ETS1: variants seen among roughly 807,000 people sequenced by gnomAD.
ETS1 encodes protein C-ets-1.
A neutral mutation model predicts 58.6 loss-of-function variants in ETS1; 15 were observed. The observed-to-expected ratio is 0.26, with a 90% CI of 0.17 to 0.39. The LOEUF (loss-of-function observed/expected upper bound fraction) is 0.39. ETS1 is among the 10% of genes least tolerant of loss of function. The pLI is 1.00. For synonymous variants in ETS1, 214 were observed against 218.2 expected, an observed-to-expected ratio of 0.98 and a Z score of 0.17; for missense variants, 417 against 610.5, an observed-to-expected ratio of 0.68 and a Z score of 3.34.
chr11:128,521,842 G>C (rs1049546335), intron 3 of ETS1: 1 of 1,248,100 alleles, frequency 8.0e-7, no homozygotes, highest in African/African-American at 1.5e-5. Context: ...CGGCGAAAGG[G>C]GGAAGAAGTC....
At chr11:128,476,860 C>A (rs1862337158) in intron 8 of ETS1, among the ~76,000 whole-genome samples, 1 of 152,244 alleles carries the variant, frequency 6.6e-6, no homozygotes, top group Non-Finnish European at 1.5e-5. Context: ...GCCAACATTG[C>A]ATTTGATGTA....
chr11:128,473,254 A>G (rs1862234664), intron 8 of ETS1, among the ~76,000 whole-genome samples: 2 of 152,212 alleles, frequency 1.3e-5, no homozygotes, highest in African/African-American at 2.4e-5. Flanking sequence ...CTGCAATTCT[A>G]TAAGTAAAAT....
chr11:128,486,082 C>A lies in ETS1; in HGVS notation c.600G>T (p.Ser200=). Residue 200 remains serine (S), a synonymous_variant, in exon 6 of 10, where the codon TCG becomes TCT. Transcript: ENST00000392668. ...NPAYPESRYT[S]DYFISYGIEH... is the part of the protein sequence containing the mutation. ...AAATGAACTTACTAATGAAGTAATC[C>A]GAGGTATAGCGGGATTCTGGATAGG... The A allele has an allele frequency of 1.2e-6, 2 of 1,607,404 alleles. No homozygotes were observed. The highest frequency in any genetic ancestry group is 1.7e-6 in the Non-Finnish European group (2 of 1,174,226).
At chr11:128,539,632 C>G (rs958768955) in intron 3 of ETS1, among the ~76,000 whole-genome samples, 2 of 152,110 alleles carry the variant, frequency 1.3e-5, no homozygotes, top group African/African-American at 4.8e-5. Flanking sequence ...GAAATTCTAC[C>G]CCTGGAGAAA....
chr11:128,523,515 C>G (rs1351125100), intron 3 of ETS1, among the ~76,000 whole-genome samples: 4 of 152,198 alleles, frequency 2.6e-5, no homozygotes, highest in Non-Finnish European at 1.5e-5. Flanking sequence ...GATTTCTAAG[C>G]ACATTTGAAC....
intron 1 of ETS1, among the ~76,000 whole-genome samples, chr11:128,578,707 T>G (rs1243874481): frequency 6.6e-6 from 1 of 152,198 alleles, no homozygotes; most frequent in Non-Finnish European, 1.5e-5. Flanking sequence ...CAATTTTACC[T>G]TCATGAGATT....
At chr11:128,579,386 G>A (rs910514046) in intron 1 of ETS1, among the ~76,000 whole-genome samples, 1 of 152,018 alleles carries the variant, frequency 6.6e-6, no homozygotes, top group Non-Finnish European at 1.5e-5. Flanking sequence ...CCAGGGCTGG[G>A]CTCGGTGGCT....
At chr11:128,576,447 C>T (rs771330557) in intron 1 of ETS1, among the ~76,000 whole-genome samples, 1 of 139,152 alleles carries the variant, frequency 7.2e-6, no homozygotes, top group African/African-American at 2.8e-5. Context: ...TTTTTCTTAG[C>T]ATTGCACACG....
intron 3 of ETS1, among the ~76,000 whole-genome samples, chr11:128,513,261 A>G (rs1256250692): frequency 6.6e-6 from 1 of 152,232 alleles, no homozygotes; most frequent in African/African-American, 2.4e-5. Context: ...CACTCTCTCC[A>G]AGCCTTGGCT....
At chr11:128,495,169 C>T (rs983615371) in intron 3 of ETS1, among the ~76,000 whole-genome samples, 2 of 152,150 alleles carry the variant, frequency 1.3e-5, no homozygotes, top group East Asian at 1.9e-4. Flanking sequence ...AAGAGCTTGA[C>T]CTAAAGTCAC....
chr11:128,487,867 GACTTGTCCTT>G (rs1406569683), intron 5 of ETS1, among the ~76,000 whole-genome samples: 2 of 148,580 alleles, frequency 1.3e-5, no homozygotes, highest in African/African-American at 5.0e-5. Flanking sequence ...ACAATAATAG[GACTTGTCCTT>G]ACTATCTCAC....
chr11:128,568,316 G>A (rs987072674), intron 2 of ETS1, among the ~76,000 whole-genome samples: 2 of 152,214 alleles, frequency 1.3e-5, no homozygotes, highest in Non-Finnish European at 2.9e-5. Context: ...GCTCATTCCC[G>A]CCACTCTCAG....
At chr11:128,480,113 A>T in intron 8 of ETS1, 78 bp downstream of exon 8, 1 of 1,570,184 alleles carries the variant, frequency 6.4e-7, no homozygotes, top group Non-Finnish European at 8.6e-7. Context: ...CTCTGGTCAG[A>T]GGTGCAGAGT....
chr11:128,585,138 A>AGC (rs1464846864), intron 1 of ETS1, among the ~76,000 whole-genome samples: 1 of 6,644 alleles, frequency 1.5e-4, no homozygotes, highest in African/African-American at 7.8e-4. Flanking sequence ...AAAGAAAGAA[A>AGC]AGAAAGAAAG....
intron 3 of ETS1, among the ~76,000 whole-genome samples, chr11:128,534,985 T>G (rs555571289): frequency 6.6e-6 from 1 of 152,362 alleles, no homozygotes; most frequent in Non-Finnish European, 1.5e-5. Flanking sequence ...TGGTTCTTGA[T>G]CTTTGAGGAA....
intron 8 of ETS1, among the ~76,000 whole-genome samples, chr11:128,471,339 T>A (rs1862182806): frequency 6.6e-6 from 1 of 152,210 alleles, no homozygotes; most frequent in African/African-American, 2.4e-5. Context: ...CAGTTACACA[T>A]TTTTAGGGTA....
intron 3 of ETS1, among the ~76,000 whole-genome samples, chr11:128,523,669 C>A (rs962394542): frequency 2.6e-5 from 4 of 152,178 alleles, no homozygotes; most frequent in Non-Finnish European, 4.4e-5. Context: ...AAGCCAGGAA[C>A]AGAAAAATCT....
intron 3 of ETS1, among the ~76,000 whole-genome samples, chr11:128,535,302 A>G (rs1014841406): frequency 6.6e-6 from 1 of 152,128 alleles, no homozygotes; most frequent in African/African-American, 2.4e-5. Flanking sequence ...AATTCGTTTA[A>G]GTTCCTTGTA....
chr11:128,573,588 G>A (rs1477317414), intron 1 of ETS1, among the ~76,000 whole-genome samples: 1 of 151,934 alleles, frequency 6.6e-6, no homozygotes, highest in Non-Finnish European at 1.5e-5. Context: ...AAGGAAGGAT[G>A]GAAAAAGCTC....
Sources: gnomAD v4.1 joint callset for allele counts (sites outside exome capture counted in the v4.1 genomes callset) on GRCh38, gnomAD v4.1.1 for gene constraint, MANE v1.5 for transcripts, NCBI Gene and HGNC (gene_info 2026-07-23, HGNC 2026-07-21) for gene names.